The following SPATA6 variants were observed in gnomAD, a reference collection of about 807,000 sequenced individuals.
SPATA6 encodes spermatogenesis-associated protein 6.
Under a neutral mutation model 65.3 loss-of-function variants are expected in SPATA6, and 56 were observed. The observed-to-expected ratio is 0.86, with a 90% CI of 0.69 to 1.07. The LOEUF is 1.07. Ranked by LOEUF, SPATA6 falls within the 50% of genes least tolerant of loss-of-function variation. The probability of loss-of-function intolerance (pLI) is 0.00; values close to 1 mark genes in which losing one functional copy is unlikely to be tolerated. For synonymous variants in SPATA6, 199 were observed against 213.2 expected (o/e 0.93, Z 0.58); for missense variants, 590 against 594.8 (o/e 0.99, Z 0.08).
At chr1:48,455,828 T>C (rs978648005) in intron 1 of SPATA6, among the ~76,000 whole-genome samples, 2 of 152,154 alleles carry the variant, frequency 1.3e-5, no homozygotes, top group Non-Finnish European at 2.9e-5. Context: ...TTGTAACATA[T>C]GCAAGAAGGC....
intron 3 of SPATA6, among the ~76,000 whole-genome samples, chr1:48,415,719 A>G (rs891108394): frequency 3.3e-5 from 5 of 151,788 alleles, no homozygotes; most frequent in Admixed American, 3.3e-4. Flanking sequence ...TGATGAGAAT[A>G]CCAGAAAGAG....
the SPATA6 span, among the ~76,000 whole-genome samples, chr1:48,276,511 C>G: frequency 2.6e-5 from 4 of 152,078 alleles, no homozygotes. Context: ...TTAGCTGTGC[C>G]CCAGAGATTC....
intron 3 of SPATA6, among the ~76,000 whole-genome samples, chr1:48,434,259 GAAA>G (rs530291772): frequency 3.6e-5 from 4 of 109,892 alleles, no homozygotes; most frequent in Admixed American, 1.0e-4. Context: ...AGCAGTGAAA[GAAA>G]AAAAAAAAAA....
chr1:48,363,779 T>C (rs1412423221), intron 9 of SPATA6, among the ~76,000 whole-genome samples: 1 of 151,574 alleles, frequency 6.6e-6, no homozygotes, highest in Non-Finnish European at 1.5e-5. Context: ...TGTTGCCTTT[T>C]TTCTTTTTTT....
At chr1:48,311,775 C>T (rs939057340) in intron 11 of SPATA6, among the ~76,000 whole-genome samples, 1 of 152,172 alleles carries the variant, frequency 6.6e-6, no homozygotes, top group South Asian at 2.1e-4. Flanking sequence ...CAAGGCATCA[C>T]CTCCCCCGGG....
chr1:48,277,495 C>T, the SPATA6 span, among the ~76,000 whole-genome samples: 180 of 152,332 alleles, frequency 1.2e-3, 2 homozygotes, highest in East Asian at 0.029. Flanking sequence ...GCTTTTCCGA[C>T]GGGCTTAAAA....
At chr1:48,308,715 T>C (rs751372399) in intron 11 of SPATA6, among the ~76,000 whole-genome samples, 8 of 152,170 alleles carry the variant, frequency 5.3e-5, no homozygotes, top group African/African-American at 1.4e-4. Flanking sequence ...TGGATATTCA[T>C]GGTTGAGAGT....
intron 3 of SPATA6, among the ~76,000 whole-genome samples, chr1:48,438,963 TGG>T (rs1655199453): frequency 6.6e-6 from 1 of 152,146 alleles, no homozygotes; most frequent in South Asian, 2.1e-4. Flanking sequence ...AACTAGGCTA[TGG>T]GGAGCCTCAG....
chr1:48,424,054 A>G (rs115751143), intron 3 of SPATA6, among the ~76,000 whole-genome samples: 1,868 of 152,288 alleles, frequency 0.012, 46 homozygotes, highest in African/African-American at 0.043. Context: ...ATTACTGACT[A>G]TAGTCACCCA....
chr1:48,390,319 T>C (rs1229865366), intron 8 of SPATA6, among the ~76,000 whole-genome samples: 1 of 152,128 alleles, frequency 6.6e-6, no homozygotes, highest in Non-Finnish European at 1.5e-5. Context: ...AAATCAGGCA[T>C]ACAAAGACAA....
At chr1:48,393,004 A>C (rs1386812383) in intron 8 of SPATA6, among the ~76,000 whole-genome samples, 2 of 152,152 alleles carry the variant, frequency 1.3e-5, no homozygotes, top group Non-Finnish European at 2.9e-5. Flanking sequence ...TAAATGTACA[A>C]AGAAGAATAG....
intron 3 of SPATA6, among the ~76,000 whole-genome samples, chr1:48,414,017 G>A (rs1030561371): frequency 6.6e-6 from 1 of 152,126 alleles, no homozygotes; most frequent in African/African-American, 2.4e-5. Context: ...CTCTATGTAT[G>A]GTACATATCA....
intron 8 of SPATA6, among the ~76,000 whole-genome samples, chr1:48,389,837 C>T (rs763188112): frequency 3.3e-5 from 5 of 151,860 alleles, no homozygotes; most frequent in South Asian, 2.1e-4. Flanking sequence ...TGAAAACACA[C>T]GAAAATACAA....
intron 8 of SPATA6, among the ~76,000 whole-genome samples, chr1:48,392,546 G>C (rs887368839): frequency 6.6e-6 from 1 of 152,070 alleles, no homozygotes; most frequent in Admixed American, 6.6e-5. Flanking sequence ...AAAGTAGTAT[G>C]AGACTGGTAG....
In SPATA6 at chr1:48,325,556, T is replaced by C. The variant is rs2148713926; in HGVS notation, c.1195-19678A>G. On this transcript the variant is annotated intron_variant, in intron 11 of 12. Transcript: ENST00000371847. ...AGTTCTTCCTCTTCCTCTTTGGTCT[T>C]GGAATGTTAGATTTCCCTCCTCAAT... is the stretch of plus-strand genomic sequence containing the variant. 7 of 1,133,750 alleles carry C rather than the reference T, an allele frequency of 6.2e-6. No homozygotes were observed. In the East Asian group the frequency reaches 1.4e-4, roughly 23 times the overall value. The allele number at this position is 1,133,750 out of a possible 1,614,324, so 70.2% of individuals were successfully genotyped here. A position where few individuals can be genotyped will look rare whatever the true frequency, so the allele number is the denominator to read the frequency against.
chr1:48,448,490 A>G (rs1656273324), intron 3 of SPATA6, among the ~76,000 whole-genome samples: 1 of 131,644 alleles, frequency 7.6e-6, no homozygotes, highest in Non-Finnish European at 1.8e-5. Context: ...GTGTCCCCAC[A>G]GGAAAAAAAA....
At chr1:48,372,458 C>A (rs1310211265) in intron 9 of SPATA6, among the ~76,000 whole-genome samples, 1 of 152,232 alleles carries the variant, frequency 6.6e-6, no homozygotes, top group Admixed American at 6.5e-5. Flanking sequence ...GGCAGCTCCA[C>A]CCCTGTGGTT....
At chr1:48,312,338 C>A (rs902720195) in intron 11 of SPATA6, among the ~76,000 whole-genome samples, 1 of 152,184 alleles carries the variant, frequency 6.6e-6, no homozygotes, top group Non-Finnish European at 1.5e-5. Flanking sequence ...ACTGACTACT[C>A]TGAGACAAAA....
chr1:48,448,431 A>G (rs1656266394), intron 3 of SPATA6, among the ~76,000 whole-genome samples: 1 of 151,912 alleles, frequency 6.6e-6, no homozygotes. Context: ...TTAACGTCAT[A>G]TGATGGGTCA....
Sources: gnomAD v4.1 joint callset for allele counts (sites outside exome capture counted in the v4.1 genomes callset) on GRCh38, gnomAD v4.1.1 for gene constraint, MANE v1.5 for transcripts, NCBI Gene and HGNC (gene_info 2026-07-23, HGNC 2026-07-21) for gene names.